The following PPP2R3B variants were observed in gnomAD, a reference collection of about 807,000 sequenced individuals.
PPP2R3B encodes the protein protein phosphatase 2 regulatory subunit B''beta, also known as serine/threonine-protein phosphatase 2A regulatory subunit B'' subunit beta.
Under a neutral mutation model 72.9 loss-of-function variants are expected in PPP2R3B, and 68 were observed. That is an observed-to-expected ratio of 0.93 (90% CI 0.77 to 1.14). The LOEUF is 1.14. Ranked by LOEUF, PPP2R3B falls within the 50% of genes most tolerant of loss-of-function variation. PPP2R3B has a pLI of 0.00. For synonymous variants in PPP2R3B, 466 were observed against 375.8 expected, an observed-to-expected ratio of 1.24 and a Z score of -2.78; for missense variants, 1,018 against 842.0, an observed-to-expected ratio of 1.21 and a Z score of -2.59.
chrX:360,478 G>A (rs1019900666), intron 2 of PPP2R3B, among the ~76,000 whole-genome samples: 2 of 152,150 alleles, frequency 1.3e-5, no homozygotes, highest in Non-Finnish European at 2.9e-5. Context: ...AGGTTGCAGT[G>A]AGCCGAGATT....
At chrX:355,049 T>C (rs1569396320) in intron 2 of PPP2R3B, among the ~76,000 whole-genome samples, 1 of 152,174 alleles carries the variant, frequency 6.6e-6, no homozygotes, top group Non-Finnish European at 1.5e-5. Flanking sequence ...GAGACACCGA[T>C]GCAGACGAGA....
rs777658825 is a variant in PPP2R3B, at chrX:386,409, G to A, written c.283C>T (p.Pro95Ser). Residue 95 changes from proline (P) to serine (S), a missense_variant, in exon 1 of 13, where the codon CCC becomes TCC. Transcript: ENST00000390665. ...GATCTACGGGTGCCTCGAACGTGGG[G>A]CGCGTTCCTGGGGCTGGAGGCGGCG... is the stretch of plus-strand genomic sequence containing the variant. ...LGAASSPRNA[P>S]HVRGTRRSAG... 1 of 1,320,124 alleles carries A rather than the reference G, an allele frequency of 7.6e-7. No individual in the cohort carries two copies. Among genetic ancestry groups the A allele is most frequent in the Non-Finnish European group, 9.7e-7 (1 of 1,029,414 alleles). 81.8% of individuals were successfully genotyped at this position (1,320,124 alleles called of 1,614,324 possible).
chrX:363,588 C>T (rs2071604051), intron 1 of PPP2R3B, among the ~76,000 whole-genome samples: 1 of 148,356 alleles, frequency 6.7e-6, no homozygotes, highest in African/African-American at 2.5e-5. Context: ...TCCCACAATG[C>T]ATCTCCCCGT....
Position 385,011 on chromosome X carries a change from T to C in PPP2R3B, c.324+1357A>G, listed in dbSNP as rs774839867. Among the ~76,000 whole-genome samples, 124 of 145,434 alleles carry C rather than the reference T, an allele frequency of 8.5e-4. 1 individual carries two copies. Among genetic ancestry groups the C allele is most frequent in the African/African-American group, 3.0e-3 (118 of 39,190 alleles). On this transcript the variant is annotated intron_variant, in intron 1 of 12. Coordinates refer to ENST00000390665, the MANE Select transcript of PPP2R3B (RefSeq NM_013239.5). ...AAAAAAAAAAAAAAAAAAAAACTGA[T>C]TGCAATCACTTTATCCTGGTAACTA...
chrX:342,090 C>G, intron 7 of PPP2R3B, 159 bp from the exon 8 acceptor site: 1 of 781,298 alleles, frequency 1.3e-6, no homozygotes, highest in Non-Finnish European at 2.2e-6. Context: ...ACGGCCCATC[C>G]TAGGGGCCCA....
chrX:356,029 T>C (rs1427360540), intron 2 of PPP2R3B, among the ~76,000 whole-genome samples: 1 of 151,976 alleles, frequency 6.6e-6, no homozygotes, highest in Non-Finnish European at 1.5e-5. Context: ...AAAGGCAAAC[T>C]GATGAGAAAG....
chrX:373,633 G>A (rs911822952), intron 1 of PPP2R3B: 33 of 281,948 alleles, frequency 1.2e-4, no homozygotes, highest in African/African-American at 4.8e-4. Flanking sequence ...GGGTCCTGGC[G>A]CAGCGAGCGC....
At chrX:361,734 C>T (rs1405809339) in intron 1 of PPP2R3B, 144 bp from the exon 2 acceptor site, 49 of 874,958 alleles carry the variant, frequency 5.6e-5, no homozygotes, top group Admixed American at 7.6e-5. Context: ...GCAATCCCTG[C>T]GGGGGACCAC....
chrX:347,826 T>C, intron 2 of PPP2R3B, 133 bp from the exon 3 acceptor site: 2 of 648,638 alleles, frequency 3.1e-6, no homozygotes, highest in East Asian at 5.7e-5. Context: ...CAGCGCGGCC[T>C]GTCTGGGCAT....
At chrX:346,531 C>T in intron 5 of PPP2R3B, 170 bp downstream of exon 5, 1 of 688,370 alleles carries the variant, frequency 1.5e-6, no homozygotes, top group Non-Finnish European at 2.4e-6. Context: ...AGAGTCCCCC[C>T]AACACCGGGC....
rs184774262 is a variant in PPP2R3B at position 338,727 on chromosome X, G to C, written c.1471-17C>G. The C allele has an allele frequency of 4.3e-6, 7 of 1,611,764 alleles. No homozygotes were observed. The highest frequency in any genetic ancestry group is 5.9e-6 in the Non-Finnish European group (7 of 1,179,480). On this transcript the variant is annotated splice_polypyrimidine_tract_variant and intron_variant, in intron 11 of 12. Transcript: ENST00000390665. ...GTCACCGTCCTGGAGGAAGCACACG[G>C]GTTACGTACACGGCGTGGCGCGGCC...
At chrX:358,099 G>A (rs928762493) in intron 2 of PPP2R3B, among the ~76,000 whole-genome samples, 9 of 152,196 alleles carry the variant, frequency 5.9e-5, no homozygotes, top group Admixed American at 2.6e-4. Context: ...TCACTCACGC[G>A]ACGGGGAGAA....
intron 10 of PPP2R3B, among the ~76,000 whole-genome samples, 167 bp from the exon 11 acceptor site, chrX:339,063 C>T (rs1334746738): frequency 6.6e-6 from 1 of 152,114 alleles, no homozygotes; most frequent in African/African-American, 2.4e-5. Context: ...TGTCCTGGTT[C>T]TGGGTGGGGA....
intron 2 of PPP2R3B, chrX:359,820 C>A: frequency 3.9e-6 from 2 of 513,086 alleles, no homozygotes; most frequent in South Asian, 2.8e-5. Flanking sequence ...AGAGGATAAA[C>A]CAAAGCTATG....
At chrX:380,786 CAAAAAAAAAAAAAAAAAAA>C (rs1054118917) in intron 1 of PPP2R3B, among the ~76,000 whole-genome samples, 4 of 53,128 alleles carry the variant, frequency 7.5e-5, no homozygotes, top group Non-Finnish European at 1.3e-4. Context: ...AACTCCATCT[CAAAAAAAAAAAAAAAAAAA>C]AAAAAAGCAG....
chrX:382,591 C>G (rs2072151069), intron 1 of PPP2R3B, among the ~76,000 whole-genome samples: 1 of 152,132 alleles, frequency 6.6e-6, no homozygotes, highest in Non-Finnish European at 1.5e-5. Flanking sequence ...TCAAAACTTT[C>G]TCCAGGAGAG....
At chrX:384,176 G>A (rs918019878) in intron 1 of PPP2R3B, among the ~76,000 whole-genome samples, 6 of 151,206 alleles carry the variant, frequency 4.0e-5, no homozygotes, top group Non-Finnish European at 7.4e-5. Context: ...GCAGAAACTC[G>A]TTTTTGAGAT....
rs139308356 is a variant in PPP2R3B, at chrX:375,319, C to T, written c.324+11049G>A. Among the ~76,000 whole-genome samples the T allele has an allele frequency of 8.1e-4, 123 of 152,158 alleles. 2 individuals carry two copies. In the East Asian group the frequency reaches 0.019, roughly 24 times the overall value. ...GCACCCAGTAACCCACGATGCGGGG[C>T]GCAAACTCACAGGGCAGAGGTGCCG... On this transcript the variant is annotated intron_variant, in intron 1 of 12. Transcript: ENST00000390665.
chrX:354,963 G>A (rs1194424376), intron 2 of PPP2R3B, among the ~76,000 whole-genome samples: 1 of 152,232 alleles, frequency 6.6e-6, no homozygotes, highest in Admixed American at 6.5e-5. Flanking sequence ...TGAGCCCGAG[G>A]CGGGAAGGGG....
Sources: gnomAD v4.1 joint callset for allele counts (sites outside exome capture counted in the v4.1 genomes callset) on GRCh38, gnomAD v4.1.1 for gene constraint, MANE v1.5 for transcripts, NCBI Gene and HGNC (gene_info 2026-07-23, HGNC 2026-07-21) for gene names.